Variants in APBA1 observed in about 807,000 individuals in gnomAD.
APBA1 encodes amyloid beta precursor protein binding family A member 1, also known as amyloid-beta A4 precursor protein-binding family A member 1.
APBA1 carries 55 observed loss-of-function variants against 86.6 expected under a neutral mutation model. The observed-to-expected ratio is 0.64, with a 90% CI of 0.51 to 0.80. The LOEUF (loss-of-function observed/expected upper bound fraction) is 0.80. APBA1 is among the 30% of genes least tolerant of loss of function. The probability of loss-of-function intolerance (pLI) is 0.00; values close to 1 mark genes in which losing one functional copy is unlikely to be tolerated. For missense variants in APBA1, 1,090 were observed against 1,183.0 expected, an observed-to-expected ratio of 0.92 and a Z score of 1.15; for synonymous variants, 511 against 493.9, an observed-to-expected ratio of 1.03 and a Z score of -0.46.
intron 1 of APBA1, among the ~76,000 whole-genome samples, chr9:69,536,058 TTG>T (rs1364751413): frequency 5.7e-4 from 85 of 148,602 alleles, no homozygotes; most frequent in Admixed American, 1.1e-3. Flanking sequence ...TTTTTTTTTT[TTG>T]ATGTTGTACA....
Position 69,488,327 on chromosome 9 carries a change from G to GA in APBA1, c.1201-12185dup, listed in dbSNP as rs970995337. Among the ~76,000 whole-genome samples the GA allele has an allele frequency of 1.1e-3, 163 of 149,176 alleles. 1 individual carries two copies. The highest frequency in any genetic ancestry group is 2.8e-3 in the African/African-American group (113 of 40,698). On this transcript the variant is annotated intron_variant, in intron 2 of 12. Transcript: ENST00000265381. ...TTTGTGTGATTCACTGACTTTTTTT[G>GA]AAAAAAAAATATAACTAAGATCAAT...
intron 2 of APBA1, among the ~76,000 whole-genome samples, chr9:69,513,983 T>G (rs898920320): frequency 1.3e-5 from 2 of 152,212 alleles, no homozygotes; most frequent in Non-Finnish European, 2.9e-5. Context: ...GCTTCAAAAT[T>G]ATTCAAGAGT....
At chr9:69,504,677 G>A (rs1484214727) in intron 2 of APBA1, among the ~76,000 whole-genome samples, 2 of 152,016 alleles carry the variant, frequency 1.3e-5, no homozygotes, top group Admixed American at 1.3e-4. Flanking sequence ...GATCCTGAGT[G>A]GGTTGGATTC....
At chr9:69,575,043 A>G (rs903860393) in intron 1 of APBA1, among the ~76,000 whole-genome samples, 2 of 152,064 alleles carry the variant, frequency 1.3e-5, no homozygotes, top group African/African-American at 4.8e-5. Context: ...CAGCCTCCCA[A>G]GTAGCTCAGA....
chr9:69,488,187 G>A (rs2133855586), intron 2 of APBA1, among the ~76,000 whole-genome samples: 1 of 152,068 alleles, frequency 6.6e-6, no homozygotes. Flanking sequence ...AATTAAGAAA[G>A]GCTCTTAAGA....
At chr9:69,515,424 C>T (rs1836120296) in intron 2 of APBA1, among the ~76,000 whole-genome samples, 1 of 152,050 alleles carries the variant, frequency 6.6e-6, no homozygotes, top group South Asian at 2.1e-4. Flanking sequence ...ATGCCACTTT[C>T]ACATACCCTA....
chr9:69,482,873 A>G (rs1161780393), intron 2 of APBA1, among the ~76,000 whole-genome samples: 2 of 150,660 alleles, frequency 1.3e-5, no homozygotes, highest in Non-Finnish European at 3.0e-5. Context: ...CTATCGCAAG[A>G]ACAAAAAACA....
intron 2 of APBA1, among the ~76,000 whole-genome samples, chr9:69,491,177 T>A (rs1835703781): frequency 6.6e-6 from 1 of 152,066 alleles, no homozygotes; most frequent in African/African-American, 2.4e-5. Context: ...GTGGCACTAT[T>A]CACAATAGCA....
At position 69,427,894 on chromosome 9, in the gene APBA1, AC is replaced by A; in HGVS notation, c.*3432del. On this transcript the variant is annotated 3_prime_UTR_variant, in exon 13 of 13. Transcript: ENST00000265381. ...AGCTCTATTTCACCCTCTTTACAGA[AC>A]AATAGTACAAGTTCATACTCTAGGT... The A allele has an allele frequency of 6.6e-6, 1 of 152,336 alleles. No homozygotes were observed. Among genetic ancestry groups the A allele is most frequent in the Admixed American group, 6.5e-5 (1 of 15,302 alleles). 9.4% of individuals were successfully genotyped at this position (152,336 alleles called of 1,614,324 possible).
chr9:69,516,939 G>C lies in APBA1; in HGVS notation c.272C>G (p.Thr91Ser). 6.3e-7 allele frequency: 1 copy of C among 1,594,270 alleles called. No individual in the cohort carries two copies. Among genetic ancestry groups the C allele is most frequent in the Non-Finnish European group, 8.5e-7 (1 of 1,177,278 alleles). The change falls in exon 2 of 13, where the codon ACC becomes AGC. Residue 91 changes from threonine to serine, a missense_variant. Coordinates refer to ENST00000265381, the MANE Select transcript of APBA1 (RefSeq NM_001163.4). The surrounding 1 kb of genome is among the most constrained non-coding windows in gnomAD (Gnocchi z 7.3). ...TESGFHNHTD[T>S]AEGDVIAAAR... ...CGCGGCGATCACGTCGCCCTCGGCG[G>C]TGTCCGTGTGGTTGTGGAAGCCGCT...
chr9:69,654,328 G>A (rs1452985317), intron 1 of APBA1, among the ~76,000 whole-genome samples: 2 of 151,970 alleles, frequency 1.3e-5, no homozygotes, highest in Admixed American at 6.6e-5. Context: ...GATCAGGTGC[G>A]GTGGCTCATT....
intron 1 of APBA1, among the ~76,000 whole-genome samples, chr9:69,554,782 T>A (rs1049350739): frequency 3.9e-5 from 4 of 101,670 alleles, no homozygotes; most frequent in Non-Finnish European, 6.8e-5. Flanking sequence ...ACAGCAGATA[T>A]TTTTAGGGTA....
chr9:69,533,374 T>C (rs1836461800), intron 1 of APBA1, among the ~76,000 whole-genome samples: 1 of 152,084 alleles, frequency 6.6e-6, no homozygotes, highest in African/African-American at 2.4e-5. Context: ...ACCAAATACA[T>C]AATAAAAATA....
chr9:69,660,234 T>A (rs906026906), intron 1 of APBA1, among the ~76,000 whole-genome samples: 1 of 152,252 alleles, frequency 6.6e-6, no homozygotes, highest in Admixed American at 6.5e-5. Context: ...CTTAGAGAGA[T>A]GTGCATGATT....
At position 69,604,749 on chromosome 9, in the gene APBA1, CAT is replaced by C. The variant is rs962289916; in HGVS notation, c.-70+67402_-70+67403del. ...ACGAGTGTGGGCACACATGCACACA[CAT>C]GAGGGTAAGCGGAGAAGCACATGGG... On this transcript the variant is annotated intron_variant, in intron 1 of 12. Transcript: ENST00000265381. Among the ~76,000 whole-genome samples the C allele has an allele frequency of 4.3e-5, 6 of 138,610 alleles. No homozygotes were observed. The South Asian group carries it at 9.1e-4, about 21-fold the overall frequency. The allele number at this position is 138,610 out of a possible 152,430, so 90.9% of individuals were successfully genotyped here. A position where few individuals can be genotyped will look rare whatever the true frequency, so the allele number is the denominator to read the frequency against.
At chr9:69,502,825 C>T (rs1835899882) in intron 2 of APBA1, among the ~76,000 whole-genome samples, 1 of 152,166 alleles carries the variant, frequency 6.6e-6, no homozygotes, top group South Asian at 2.1e-4. Flanking sequence ...ATTCCTGCTG[C>T]TATCCTTCCC....
In APBA1 at chr9:69,458,698, C is replaced by T. The variant is rs75538808; in HGVS notation, c.1483-510G>A. Among the ~76,000 whole-genome samples the T allele has an allele frequency of 2.1e-3, 323 of 151,906 alleles. 7 individuals are homozygous for T. In the East Asian group the frequency reaches 0.048, roughly 23 times the overall value. On this transcript the variant is annotated intron_variant, in intron 5 of 12. Coordinates refer to ENST00000265381, the MANE Select transcript of APBA1 (RefSeq NM_001163.4). ...TTGTGTTTCAATTTAATCATTGTTC[C>T]GTTAAATTTTTTTTCAAATTTCCAC...
chr9:69,497,275 T>C (rs1411797807), intron 2 of APBA1, among the ~76,000 whole-genome samples: 1 of 151,992 alleles, frequency 6.6e-6, no homozygotes, highest in Non-Finnish European at 1.5e-5. Context: ...AGGATCCACA[T>C]GCCTCACCCA....
chr9:69,632,182 G>A (rs1240123051), intron 1 of APBA1, among the ~76,000 whole-genome samples: 1 of 152,018 alleles, frequency 6.6e-6, no homozygotes, highest in Non-Finnish European at 1.5e-5. Context: ...TGTTCTGGGT[G>A]GAGTCACTGT....
Sources: allele counts gnomAD v4.1 joint callset (sites outside exome capture counted in the v4.1 genomes callset), GRCh38; gene constraint gnomAD v4.1.1; non-coding constraint Gnocchi (gnomAD v3.1); transcripts MANE v1.5; gene names NCBI Gene and HGNC (gene_info 2026-07-23, HGNC 2026-07-21).